The following MTUS2 variants were observed in gnomAD, a reference collection of about 807,000 sequenced individuals.
The protein encoded by MTUS2 is microtubule-associated tumor suppressor candidate 2.
MTUS2 carries 40 observed loss-of-function variants against 114.1 expected under a neutral mutation model. The observed-to-expected ratio is 0.35, with a 90% CI of 0.27 to 0.46. The LOEUF (loss-of-function observed/expected upper bound fraction) is 0.46. Ranked by LOEUF, MTUS2 falls within the 20% of genes least tolerant of loss-of-function variation. The pLI, the probability that MTUS2 is intolerant of heterozygous loss-of-function variation, is 1.00. For missense variants in MTUS2, 1,679 were observed against 1,705.4 expected, an observed-to-expected ratio of 0.98 and a Z score of 0.27; for synonymous variants, 688 against 672.0, an observed-to-expected ratio of 1.02 and a Z score of -0.37.
chr13:29,308,643 AATCT>A (rs1448601973), intron 6 of MTUS2, among the ~76,000 whole-genome samples: 1 of 152,234 alleles, frequency 6.6e-6, no homozygotes, highest in African/African-American at 2.4e-5. Context: ...AAATTTTTGC[AATCT>A]ATCCATCTGA....
intron 5 of MTUS2, among the ~76,000 whole-genome samples, chr13:29,137,060 G>T (rs1284707932): frequency 6.6e-6 from 1 of 152,202 alleles, no homozygotes. Flanking sequence ...AATATTCTGT[G>T]TTGTGTAGAC....
At chr13:29,370,956 C>G (rs897771810) in intron 8 of MTUS2, among the ~76,000 whole-genome samples, 2 of 152,250 alleles carry the variant, frequency 1.3e-5, no homozygotes, top group East Asian at 1.9e-4. Context: ...ATAAAGGAGT[C>G]TGTTCTTCAA....
chr13:28,965,273 G>A (rs781195489), intron 2 of MTUS2, among the ~76,000 whole-genome samples: 12 of 152,170 alleles, frequency 7.9e-5, no homozygotes, highest in Admixed American at 5.9e-4. Flanking sequence ...GGGAAACTGC[G>A]TGGAAACAAG....
At chr13:28,889,962 G>T (rs1328847046) in intron 2 of MTUS2, among the ~76,000 whole-genome samples, 1 of 152,178 alleles carries the variant, frequency 6.6e-6, no homozygotes, top group Non-Finnish European at 1.5e-5. Flanking sequence ...TTAAGGTCTT[G>T]GCTACATTTG....
intron 2 of MTUS2, among the ~76,000 whole-genome samples, chr13:28,888,924 C>T (rs768619470): frequency 1.3e-5 from 2 of 152,114 alleles, no homozygotes; most frequent in Non-Finnish European, 2.9e-5. Context: ...AGGGACAACC[C>T]AAATCATTTG....
chr13:29,201,865 A>C (rs1894973418), intron 5 of MTUS2, among the ~76,000 whole-genome samples: 1 of 152,142 alleles, frequency 6.6e-6, no homozygotes, highest in African/African-American at 2.4e-5. Flanking sequence ...GTTTCTGCGG[A>C]GAGATCTGCT....
At chr13:29,488,140 G>A in intron 11 of MTUS2, 135 bp downstream of exon 11, 1 of 672,892 alleles carries the variant, frequency 1.5e-6, no homozygotes, top group Non-Finnish European at 2.6e-6. Context: ...ATTTTTTCCT[G>A]TTGGCTCCTG....
chr13:29,340,504 C>G (rs140077381), intron 7 of MTUS2, among the ~76,000 whole-genome samples: 11,847 of 152,082 alleles, frequency 0.078, 1,462 homozygotes, highest in African/African-American at 0.26. Context: ...CAATTTTGCT[C>G]TTAAGAAAAT....
intron 2 of MTUS2, among the ~76,000 whole-genome samples, chr13:28,938,158 G>A (rs190021878): frequency 1.3e-5 from 2 of 152,332 alleles, no homozygotes; most frequent in Admixed American, 6.5e-5. Flanking sequence ...GCCAAGGCGA[G>A]CGGATCATGA....
chr13:29,192,752 C>A (rs988062762), intron 5 of MTUS2, among the ~76,000 whole-genome samples: 1 of 152,132 alleles, frequency 6.6e-6, no homozygotes, highest in Non-Finnish European at 1.5e-5. Context: ...GCTATCTAGG[C>A]TGCTTTTCTC....
chr13:28,967,436 C>T (rs1225320013), intron 2 of MTUS2, among the ~76,000 whole-genome samples: 1 of 152,130 alleles, frequency 6.6e-6, no homozygotes, highest in African/African-American at 2.4e-5. Context: ...TCCCTGTAGT[C>T]TTGCCAGTAA....
intron 4 of MTUS2, among the ~76,000 whole-genome samples, chr13:29,074,067 C>T (rs1245146659): frequency 1.3e-5 from 2 of 152,112 alleles, no homozygotes; most frequent in Non-Finnish European, 2.9e-5. Flanking sequence ...CTGTCTTCAG[C>T]CTTGCCCCTC....
intron 4 of MTUS2, among the ~76,000 whole-genome samples, chr13:29,052,754 C>G (rs1461017576): frequency 1.3e-5 from 2 of 152,128 alleles, no homozygotes; most frequent in Admixed American, 6.6e-5. Flanking sequence ...TTTCAACAAC[C>G]TAAGTATAAT....
At chr13:29,212,130 A>G (rs1361647383) in intron 5 of MTUS2, among the ~76,000 whole-genome samples, 1 of 152,150 alleles carries the variant, frequency 6.6e-6, no homozygotes, top group African/African-American at 2.4e-5. Flanking sequence ...AAATTTTGAC[A>G]CATTGGGTTT....
chr13:29,453,824 G>C (rs922915887), intron 9 of MTUS2, among the ~76,000 whole-genome samples: 2 of 152,192 alleles, frequency 1.3e-5, no homozygotes, highest in Non-Finnish European at 2.9e-5. Context: ...TGCATAAAAA[G>C]CAGGGCCGGT....
intron 4 of MTUS2, among the ~76,000 whole-genome samples, chr13:29,067,835 G>T (rs1415218202): frequency 6.6e-6 from 1 of 152,172 alleles, no homozygotes; most frequent in African/African-American, 2.4e-5. Context: ...GAGGTCACAT[G>T]CAGAAGGGTG....
chr13:29,433,827 G>A (rs974288605), intron 8 of MTUS2, among the ~76,000 whole-genome samples: 6 of 152,134 alleles, frequency 3.9e-5, no homozygotes, highest in African/African-American at 1.2e-4. Context: ...TCTGAGAAGC[G>A]TAAAAAAACC....
At chr13:29,392,129 AAAAAAAAAAAACAAACC>A (rs1165793576) in intron 8 of MTUS2, among the ~76,000 whole-genome samples, 1 of 63,346 alleles carries the variant, frequency 1.6e-5, no homozygotes, top group Non-Finnish European at 3.1e-5. Flanking sequence ...CTCTGTCTCA[AAAAAAAAAAAACAAACC>A]AAAAAAAAAA....
intron 2 of MTUS2, among the ~76,000 whole-genome samples, chr13:28,992,376 A>T (rs531542519): frequency 6.6e-6 from 1 of 152,318 alleles, no homozygotes; most frequent in Admixed American, 6.5e-5. Flanking sequence ...AAGACAGCAG[A>T]TAAGAGGACT....
Sources: gnomAD v4.1 joint callset for allele counts (sites outside exome capture counted in the v4.1 genomes callset) on GRCh38, gnomAD v4.1.1 for gene constraint, MANE v1.5 for transcripts, NCBI Gene and HGNC (gene_info 2026-07-23, HGNC 2026-07-21) for gene names.